Variants in PIAS4 observed in about 807,000 individuals in gnomAD.
The protein encoded by PIAS4 is E3 SUMO-protein ligase PIAS4.
A neutral mutation model predicts 58.0 loss-of-function variants in PIAS4; 7 were observed. That is an observed-to-expected ratio of 0.12 (90% confidence interval 0.07 to 0.23). PIAS4 has a LOEUF of 0.23. PIAS4 is among the 10% of genes least tolerant of loss of function. The pLI, the probability that PIAS4 is intolerant of heterozygous loss-of-function variation, is 1.00. For synonymous variants in PIAS4, 364 were observed against 312.4 expected, an observed-to-expected ratio of 1.17 and a Z score of -1.74; for missense variants, 550 against 709.5, an observed-to-expected ratio of 0.78 and a Z score of 2.55.
intron 2 of PIAS4, among the ~76,000 whole-genome samples, chr19:4,015,923 G>A (rs1219559977): frequency 6.6e-6 from 1 of 152,246 alleles, no homozygotes; most frequent in Non-Finnish European, 1.5e-5. Context: ...GAGCCACAGA[G>A]CAGGCTGCAG....
In PIAS4 at chr19:4,013,211, A is replaced by G. The variant is rs775620072; in HGVS notation, c.316A>G (p.Ile106Val). The change falls in exon 2 of 11, where the codon ATT becomes GTT. Residue 106 changes from isoleucine (I) to valine (V), a missense_variant. Around this residue, in one of 4 missense-constraint regions of PIAS4, gnomAD observed 95 missense variants for 87.5 expected, o/e 1.09. Coordinates refer to ENST00000262971, the MANE Select transcript of PIAS4 (RefSeq NM_015897.4). This position sits in a 1 kb window ranked among gnomAD's most constrained non-coding sequence, Gnocchi z 5.1. ...CAGGACTCCGCTGGCAGGCCCCAATATTGACTACCCCGTGCTCTACGGAAA... is the reference window on the plus strand; with the variant it reads ...CAGGACTCCGCTGGCAGGCCCCAATGTTGACTACCCCGTGCTCTACGGAAA... Reference protein sequence around the residue: ...VPRTPLAGPNIDYPVLYGKYL... With the variant: ...VPRTPLAGPNVDYPVLYGKYL... 5.6e-6 allele frequency: 9 copies of G among 1,613,400 alleles called. No individual in the cohort carries two copies. The East Asian group carries it at 6.7e-5, about 12-fold the overall frequency.
intron 3 of PIAS4, among the ~76,000 whole-genome samples, chr19:4,025,685 C>CTTCGTCTTT (rs2040156421): frequency 6.6e-6 from 1 of 151,312 alleles, no homozygotes; most frequent in Non-Finnish European, 1.5e-5. Context: ...TCTTTCTCAG[C>CTTCGTCTTT]CTCGTCTTCC....
At chr19:4,032,688 TC>T in intron 7 of PIAS4, among the ~76,000 whole-genome samples, 1 of 152,336 alleles carries the variant, frequency 6.6e-6, no homozygotes, top group East Asian at 1.9e-4. Context: ...AGCCCCAGGA[TC>T]CGTCTCCCAA....
intron 2 of PIAS4, among the ~76,000 whole-genome samples, chr19:4,020,635 T>G (rs1235486966): frequency 6.6e-6 from 1 of 152,224 alleles, no homozygotes; most frequent in African/African-American, 2.4e-5. Context: ...CTAAATATAT[T>G]TTTTAATGTA....
chr19:4,021,112 C>T (rs998991294), intron 2 of PIAS4, among the ~76,000 whole-genome samples: 1 of 152,124 alleles, frequency 6.6e-6, no homozygotes, highest in Non-Finnish European at 1.5e-5. Context: ...TTCATTTTAG[C>T]CATGCTAGTG....
Position 4,037,338 on chromosome 19 carries a change from C to G in PIAS4, c.1143-36C>G. ...CTGGGGAGTTGGGGGGGTGGGGCAC[C>G]TCCAGCCCCGGCGTCAGCTGTCCGC... On this transcript the variant is annotated intron_variant, in intron 9 of 10. Coordinates refer to ENST00000262971, the MANE Select transcript of PIAS4 (RefSeq NM_015897.4). The surrounding 1 kb of genome is among the most constrained non-coding windows in gnomAD (Gnocchi z 5.8). 1 of 1,577,776 alleles carries G rather than the reference C, an allele frequency of 6.3e-7. No homozygotes were observed. Among genetic ancestry groups the G allele is most frequent in the East Asian group, 2.3e-5 (1 of 44,290 alleles).
intron 2 of PIAS4, among the ~76,000 whole-genome samples, chr19:4,018,194 C>A (rs1368305341): frequency 2.6e-5 from 4 of 152,244 alleles, no homozygotes; most frequent in Non-Finnish European, 5.9e-5. Context: ...AAACTGGAGT[C>A]AACAGCAGAG....
At chr19:4,023,459 C>CCAAAACAAAA (rs112254507) in intron 2 of PIAS4, among the ~76,000 whole-genome samples, 143 of 152,250 alleles carry the variant, frequency 9.4e-4, no homozygotes, top group African/African-American at 3.3e-3. Context: ...AACTCCATCT[C>CCAAAACAAAA]CAAAACAAAA....
intron 1 of PIAS4, 30 bp from the exon 2 acceptor site, chr19:4,012,893 C>G (rs769118172): frequency 6.3e-7 from 1 of 1,587,362 alleles, no homozygotes; most frequent in South Asian, 1.1e-5. Flanking sequence ...GCTGTGTCCT[C>G]TGAGTGTGTG....
At chr19:4,010,545 A>C (rs369418959) in intron 1 of PIAS4, among the ~76,000 whole-genome samples, 1 of 152,342 alleles carries the variant, frequency 6.6e-6, no homozygotes, top group African/African-American at 2.4e-5. Flanking sequence ...TTTTCAAAGC[A>C]TCCCTGACTC....
chr19:4,013,500 A>G lies in PIAS4; in HGVS notation c.454+151A>G. On this transcript the variant is annotated intron_variant, in intron 2 of 10. Coordinates refer to ENST00000262971, the MANE Select transcript of PIAS4 (RefSeq NM_015897.4). The surrounding 1 kb of genome is among the most constrained non-coding windows in gnomAD (Gnocchi z 5.1). ...AGTGGCCAGGGGTGTCCTTCCTCGG[A>G]AGCAAAGGGACCATCTTTGATATTG... The G allele has an allele frequency of 1.5e-6, 1 of 657,844 alleles. No individual in the cohort carries two copies. Among genetic ancestry groups the G allele is most frequent in the East Asian group, 2.7e-5 (1 of 36,662 alleles). The allele number at this position is 657,844 out of a possible 1,614,324, so 40.8% of individuals were successfully genotyped here.
intron 2 of PIAS4, among the ~76,000 whole-genome samples, chr19:4,016,890 C>T (rs1321659671): frequency 2.0e-5 from 3 of 152,226 alleles, no homozygotes; most frequent in African/African-American, 4.8e-5. Context: ...ATGGTGGGCC[C>T]GGGGAAGGCT....
In PIAS4 at chr19:4,026,636, C is replaced by T. The variant is rs150120993; in HGVS notation, c.540-1510C>T. ...CATCCCCTCCTGTCTGTAAATGGGT[C>T]TGTCCTGGACATTTCATAGAAGTGG... is the stretch of plus-strand genomic sequence containing the variant. On this transcript the variant is annotated intron_variant, in intron 3 of 10. Coordinates refer to ENST00000262971, the MANE Select transcript of PIAS4 (RefSeq NM_015897.4). 5.4e-3 allele frequency among the ~76,000 whole-genome samples: 825 copies of T among 152,148 alleles called. 3 individuals carry two copies. The highest frequency in any genetic ancestry group is 0.01 in the Middle Eastern group (3 of 294).
At chr19:4,032,625 C>G (rs898258221) in intron 7 of PIAS4, among the ~76,000 whole-genome samples, 2 of 152,234 alleles carry the variant, frequency 1.3e-5, no homozygotes, top group African/African-American at 4.8e-5. Context: ...TGCAGGCTGC[C>G]TTGGGGCGGT....
Position 4,037,261 on chromosome 19 carries a change from T to C in PIAS4, c.1143-113T>C. 7.3e-7 allele frequency: 1 copy of C among 1,365,814 alleles called. No individual in the cohort carries two copies. Among genetic ancestry groups the C allele is most frequent in the Non-Finnish European group, 9.9e-7 (1 of 1,014,464 alleles). The allele number at this position is 1,365,814 out of a possible 1,614,324, so 84.6% of individuals were successfully genotyped here. ...CCTGCGGTCGGGGTGGTGAGGCTGC[T>C]CTTGCAGAGAGAAGTGGGGAGTGCC... On this transcript the variant is annotated intron_variant, in intron 9 of 10. Transcript: ENST00000262971. This position sits in a 1 kb window ranked among gnomAD's most constrained non-coding sequence, Gnocchi z 5.8.
chr19:4,035,427 C>T (rs2040264570), intron 9 of PIAS4, among the ~76,000 whole-genome samples: 1 of 152,270 alleles, frequency 6.6e-6, no homozygotes, highest in Admixed American at 6.5e-5. Context: ...GAACCAGGGC[C>T]TGCCTCCAGT....
chr19:4,029,090 C>A, intron 7 of PIAS4, 54 bp downstream of exon 7: 1 of 1,334,814 alleles, frequency 7.5e-7, no homozygotes, highest in Non-Finnish European at 1.1e-6. Context: ...CCTGGAAACC[C>A]GCCCTGTGCT....
chr19:4,014,374 CAG>C (rs1186898176), intron 2 of PIAS4, among the ~76,000 whole-genome samples: 1 of 152,196 alleles, frequency 6.6e-6, no homozygotes, highest in African/African-American at 2.4e-5. Context: ...GCCCTGAGCT[CAG>C]GGCCAGGGAG....
chr19:4,032,976 T>C (rs1044183446), intron 7 of PIAS4, 124 bp from the exon 8 acceptor site: 2 of 762,428 alleles, frequency 2.6e-6, no homozygotes, highest in African/African-American at 1.7e-5. Context: ...ACAGCGAAGC[T>C]TGGGACTCAT....
Sources: gnomAD v4.1 joint callset for allele counts (sites outside exome capture counted in the v4.1 genomes callset) on GRCh38, gnomAD v4.1.1 for gene constraint, gnomAD v4.1.1 regional missense constraint, Gnocchi (gnomAD v3.1) non-coding constraint, MANE v1.5 for transcripts, NCBI Gene and HGNC (gene_info 2026-07-23, HGNC 2026-07-21) for gene names.